Variants in CHID1 observed in about 807,000 individuals in gnomAD.
CHID1 encodes chitinase domain containing 1.
In CHID1, 44 loss-of-function variants were observed where a neutral mutation model predicts 55.4. That is an observed-to-expected ratio of 0.79 (90% CI 0.62 to 1.02). The LOEUF is 1.02. CHID1 is among the 50% of genes least tolerant of loss of function. The pLI, the probability that CHID1 is intolerant of heterozygous loss-of-function variation, is 0.00. For synonymous variants in CHID1, 216 were observed against 212.9 expected (o/e 1.01, Z -0.13); for missense variants, 491 against 515.3 (o/e 0.95, Z 0.46).
At chr11:873,971 C>T (rs1183707638) in intron 10 of CHID1, among the ~76,000 whole-genome samples, 5 of 151,466 alleles carry the variant, frequency 3.3e-5, no homozygotes, top group African/African-American at 9.8e-5. Context: ...AGGTTCGACG[C>T]GTTTCTAGGG....
At chr11:873,596 G>A (rs957793780) in intron 10 of CHID1, among the ~76,000 whole-genome samples, 4 of 152,092 alleles carry the variant, frequency 2.6e-5, no homozygotes, top group Admixed American at 6.6e-5. Context: ...GCACATGGAC[G>A]GGGAGGATGT....
chr11:905,440 C>T (rs769403265), intron 1 of CHID1, among the ~76,000 whole-genome samples: 66 of 152,160 alleles, frequency 4.3e-4, no homozygotes, highest in African/African-American at 7.7e-4. Context: ...GAGGCTGAGG[C>T]GGGCGGATCA....
rs1227333549 is a variant in CHID1 at position 910,765 on chromosome 11, C to CG, written c.-44+9dup. The stretch of plus-strand genomic sequence containing the variant: ...GAGGAGGAGCAGGGGCCGGCCGCCG[C>CG]GGGGCTCACCTGCATGTCAGGGAGG... On this transcript the variant is annotated intron_variant, in intron 1 of 12. Transcript: ENST00000323578. 8.6e-7 allele frequency: 1 copy of CG among 1,161,608 alleles called. No homozygotes were observed. The highest frequency in any genetic ancestry group is 1.1e-6 in the Non-Finnish European group (1 of 930,680). The allele number at this position is 1,161,608 out of a possible 1,614,324, so 72.0% of individuals were successfully genotyped here.
intron 8 of CHID1, among the ~76,000 whole-genome samples, chr11:885,016 ACATGAAGGTCAACACCGAGG>A (rs751909808): frequency 1.3e-5 from 2 of 152,242 alleles, no homozygotes; most frequent in Non-Finnish European, 2.9e-5. Context: ...CAGGAGCAGT[ACATGAAGGTCAACACCGAGG>A]GGGCGGAGGG....
intron 6 of CHID1, 116 bp from the exon 7 acceptor site, chr11:899,517 G>T: frequency 1.1e-6 from 1 of 928,538 alleles, no homozygotes; most frequent in Non-Finnish European, 1.7e-6. Context: ...TCACTCACGA[G>T]GCAAGACCCA....
In CHID1 at chr11:872,530, T is replaced by C. The variant is rs1214202033; in HGVS notation, c.960-2031A>G. ...CATCCCAGGCCTGGAAAAGGACTGC[T>C]GGACCCCTGCCCTCCTGTGGCTGGG... On this transcript the variant is annotated intron_variant, in intron 10 of 12. Coordinates refer to ENST00000323578, the MANE Select transcript of CHID1 (RefSeq NM_023947.4). 2.6e-5 allele frequency among the ~76,000 whole-genome samples: 4 copies of C among 152,218 alleles called. 1 individual carries two copies. The highest frequency in any genetic ancestry group is 1.5e-5 in the Non-Finnish European group (1 of 68,036).
Position 869,824 on chromosome 11 carries a change from A to G in CHID1, c.*34T>C. 1 of 1,582,720 alleles carries G rather than the reference A, an allele frequency of 6.3e-7. No homozygotes were observed. Among genetic ancestry groups the G allele is most frequent in the South Asian group, 1.1e-5 (1 of 90,430 alleles). On this transcript the variant is annotated 3_prime_UTR_variant, in exon 13 of 13. Coordinates refer to ENST00000323578, the MANE Select transcript of CHID1 (RefSeq NM_023947.4). ...GCTCACTCACTCCATGGCTTAGAAA[A>G]GAACACGTCCACCGCGGAGGCCGCA... is the stretch of plus-strand genomic sequence containing the variant.
In CHID1 at chr11:869,542, G is replaced by T. The variant is rs1007410814; in HGVS notation, c.*316C>A. 6 of 461,302 alleles carry T rather than the reference G, an allele frequency of 1.3e-5. No individual in the cohort carries two copies. Among genetic ancestry groups the T allele is most frequent in the Non-Finnish European group, 2.0e-5 (5 of 254,582 alleles). The allele number at this position is 461,302 out of a possible 1,614,324, so 28.6% of individuals were successfully genotyped here. On this transcript the variant is annotated 3_prime_UTR_variant, in exon 13 of 13. Transcript: ENST00000323578. ...CCACATCCAGCCCAGGATGTGAGAA[G>T]CAGCCCAGAAAGGCCTGAGCCAGGC...
rs1273062441 is a variant in CHID1, at chr11:902,069, G to GAC, written c.394+127_394+128dup. 34 of 978,586 alleles carry GAC rather than the reference G, an allele frequency of 3.5e-5. No homozygotes were observed. The South Asian group carries it at 3.8e-4, about 11-fold the overall frequency. The allele number at this position is 978,586 out of a possible 1,614,324, so 60.6% of individuals were successfully genotyped here. A position where few individuals can be genotyped will look rare whatever the true frequency, so the allele number is the denominator to read the frequency against. On this transcript the variant is annotated intron_variant, in intron 4 of 12. Transcript: ENST00000323578. Reference sequence around the variant, plus strand: ...CACATTCACACTTAAATCACGCAGAGACACACACACACTCCCATACAGAGA... The same window carrying GAC: ...CACATTCACACTTAAATCACGCAGAGACACACACACACACTCCCATACAGAGA...
chr11:908,557 C>T (rs1852404633), intron 1 of CHID1: 20 of 985,146 alleles, frequency 2.0e-5, no homozygotes, highest in Middle Eastern at 5.2e-4. Context: ...CAGGCTGAAA[C>T]GGTGGCTGCC....
intron 9 of CHID1, 125 bp downstream of exon 9, chr11:883,943 G>A: frequency 2.7e-6 from 2 of 752,968 alleles, no homozygotes; most frequent in Non-Finnish European, 4.5e-6. Flanking sequence ...AGACTCAGCA[G>A]GTGACCTTGT....
intron 8 of CHID1, among the ~76,000 whole-genome samples, chr11:888,533 G>T (rs12420667): frequency 0.54 from 82,756 of 152,162 alleles, 23,030 homozygotes; most frequent in South Asian, 0.77. Flanking sequence ...GAGCAATGAG[G>T]TAACAGCTTG....
chr11:904,261 G>A (rs571320441), intron 2 of CHID1, among the ~76,000 whole-genome samples: 1 of 152,334 alleles, frequency 6.6e-6, no homozygotes, highest in Non-Finnish European at 1.5e-5. Flanking sequence ...GGGGACTGCT[G>A]GGGCTGAGAG....
intron 10 of CHID1, among the ~76,000 whole-genome samples, chr11:872,256 C>T (rs1849227192): frequency 6.6e-6 from 1 of 152,194 alleles, no homozygotes. Context: ...CTCCTGGGTT[C>T]AAGCAATTCT....
At chr11:899,979 G>A in intron 6 of CHID1, 25 bp downstream of exon 6, 1 of 1,572,692 alleles carries the variant, frequency 6.4e-7, no homozygotes, top group Non-Finnish European at 8.7e-7. Context: ...TGTGCTCAGA[G>A]GCTGGAGCAG....
intron 10 of CHID1, chr11:874,813 T>C (rs1414000531): frequency 3.9e-5 from 6 of 152,174 alleles, no homozygotes; most frequent in African/African-American, 1.4e-4. Flanking sequence ...GGTAGAGCAG[T>C]CATGGTATGC....
chr11:900,521 G>A (rs1198348978), intron 5 of CHID1, among the ~76,000 whole-genome samples: 1 of 152,176 alleles, frequency 6.6e-6, no homozygotes, highest in Non-Finnish European at 1.5e-5. Context: ...GGCTGCTACT[G>A]GACGTGGGGA....
rs934179924 is a variant in CHID1 at position 902,465 on chromosome 11, G to C, written c.262-135C>G. On this transcript the variant is annotated intron_variant, in intron 3 of 12. Coordinates refer to ENST00000323578, the MANE Select transcript of CHID1 (RefSeq NM_023947.4). Reference sequence around the variant, plus strand: ...CAGATACCAGCCCGGACTGACATCAGCTCCTGGCCTGGGGTATCCTTCTCC... The same window carrying C: ...CAGATACCAGCCCGGACTGACATCACCTCCTGGCCTGGGGTATCCTTCTCC... 4 of 937,260 alleles carry C rather than the reference G, an allele frequency of 4.3e-6. No individual in the cohort carries two copies. In the African/African-American group the frequency reaches 4.9e-5, roughly 12 times the overall value. The allele number at this position is 937,260 out of a possible 1,614,324, so 58.1% of individuals were successfully genotyped here. A position where few individuals can be genotyped will look rare whatever the true frequency, so the allele number is the denominator to read the frequency against.
intron 10 of CHID1, chr11:870,769 C>A: frequency 2.4e-6 from 1 of 417,426 alleles, no homozygotes; most frequent in Non-Finnish European, 4.5e-6. Flanking sequence ...GAGAGTGACA[C>A]GGGGCCTGAA....
Sources: gnomAD v4.1 joint callset for allele counts (sites outside exome capture counted in the v4.1 genomes callset) on GRCh38, gnomAD v4.1.1 for gene constraint, MANE v1.5 for transcripts, NCBI Gene and HGNC (gene_info 2026-07-23, HGNC 2026-07-21) for gene names.